ADGB: variants seen among roughly 807,000 people sequenced by gnomAD.
ADGB encodes androglobin.
Under a neutral mutation model 210.5 loss-of-function variants are expected in ADGB, and 172 were observed. The ratio of observed to expected loss-of-function variants is 0.82; its 90% CI spans 0.72 to 0.93. The LOEUF is 0.93. Ranked by LOEUF, ADGB falls within the 40% of genes least tolerant of loss-of-function variation. The pLI is 0.00. For missense variants in ADGB, 2,025 were observed against 1,964.8 expected (o/e 1.03, Z -0.58); for synonymous variants, 658 against 662.7 (o/e 0.99, Z 0.11).
chr6:146,647,448 A>G lies in ADGB; in HGVS notation c.330+2583A>G, dbSNP rs561081352. On this transcript the variant is annotated intron_variant, in intron 3 of 35. Transcript: ENST00000397944. ...TGATGAAAAAAAGTACTTGAAGTGA[A>G]TCAGACACAGGAAGAGTGTGTTCAA... Among the ~76,000 whole-genome samples the G allele has an allele frequency of 2.0e-5, 3 of 152,242 alleles. No individual in the cohort carries two copies. The East Asian group carries it at 5.8e-4, about 29-fold the overall frequency.
At chr6:146,621,343 A>T (rs1177268630) in intron 1 of ADGB, among the ~76,000 whole-genome samples, 2 of 152,090 alleles carry the variant, frequency 1.3e-5, no homozygotes, top group Non-Finnish European at 2.9e-5. Context: ...AAATCCATGC[A>T]TCAGTTACTG....
Position 146,620,953 on chromosome 6 carries a change from G to T in ADGB, c.75-14422G>T. The stretch of plus-strand genomic sequence containing the variant: ...GGTGGTTTTAGACTTTTACTACTTA[G>T]TATTGACTCTTAAACACTGCTCTAC... On this transcript the variant is annotated intron_variant, in intron 1 of 35. Transcript: ENST00000397944. Among the ~76,000 whole-genome samples the T allele has an allele frequency of 1.3e-5, 2 of 152,048 alleles. 1 individual carries two copies. Among genetic ancestry groups the T allele is most frequent in the Admixed American group, 1.3e-4 (2 of 15,258 alleles).
In ADGB at chr6:146,702,324, G is replaced by A. The variant is rs550828858; in HGVS notation, c.1707+1254G>A. Among the ~76,000 whole-genome samples the A allele has an allele frequency of 5.9e-5, 9 of 152,030 alleles. No homozygotes were observed. In the South Asian group the frequency reaches 1.9e-3, roughly 32 times the overall value. On this transcript the variant is annotated intron_variant, in intron 13 of 35. Transcript: ENST00000397944. Reference sequence around the variant, plus strand: ...ATACTGTATGATGTTTGCTAATGTGGTGGGTATAAAATGGTATTTTATTTT... The same window carrying A: ...ATACTGTATGATGTTTGCTAATGTGATGGGTATAAAATGGTATTTTATTTT...
At chr6:146,706,853 T>G (rs1260331765) in intron 13 of ADGB, among the ~76,000 whole-genome samples, 1 of 150,612 alleles carries the variant, frequency 6.6e-6, no homozygotes, top group Non-Finnish European at 1.5e-5. Flanking sequence ...GTGTTTTTTT[T>G]TTTTTTTTTA....
chr6:146,612,726 C>T (rs1400099478), intron 1 of ADGB, among the ~76,000 whole-genome samples: 3 of 151,958 alleles, frequency 2.0e-5, no homozygotes, highest in Non-Finnish European at 4.4e-5. Flanking sequence ...GTAGAATGGT[C>T]CTGCTCTTTT....
Position 146,745,932 on chromosome 6 carries a change from CTT to C in ADGB, c.3191_3192del (p.Phe1064CysfsTer52). On this transcript the variant is annotated frameshift_variant, in exon 26 of 36. Transcript: ENST00000397944. LOFTEE classifies it high-confidence loss of function. ...TTGTCTTTCTTATAGAAGGGATACA[CTT>C]TTGTGGCGGAAGCATTTACAGGCGA... 1.3e-6 allele frequency: 2 copies of C among 1,545,752 alleles called. No homozygotes were observed. Among genetic ancestry groups the C allele is most frequent in the Non-Finnish European group, 1.7e-6 (2 of 1,144,182 alleles).
chr6:146,728,173 G>A (rs2114579893), intron 19 of ADGB, among the ~76,000 whole-genome samples: 1 of 152,156 alleles, frequency 6.6e-6, no homozygotes, highest in African/African-American at 2.4e-5. Context: ...GATAGCAGGA[G>A]AGAGCCACCA....
At chr6:146,617,574 G>A (rs192079962) in intron 1 of ADGB, among the ~76,000 whole-genome samples, 1 of 151,872 alleles carries the variant, frequency 6.6e-6, no homozygotes, top group African/African-American at 2.4e-5. Flanking sequence ...GCTAGCTGTG[G>A]GTTTGTTATA....
Position 146,717,205 on chromosome 6 carries a change from C to A in ADGB, c.1928+136C>A, listed in dbSNP as rs370740560. On this transcript the variant is annotated intron_variant, in intron 15 of 35. Transcript: ENST00000397944. The stretch of plus-strand genomic sequence containing the variant: ...TATATAACCTATTAATTCTTAGCAT[C>A]ATCCAAAATAAGCCAATAACAGCCT... 10 of 708,556 alleles carry A rather than the reference C, an allele frequency of 1.4e-5. No homozygotes were observed. The African/African-American group carries it at 1.6e-4, about 12-fold the overall frequency. The allele number at this position is 708,556 out of a possible 1,614,324, so 43.9% of individuals were successfully genotyped here. A position where few individuals can be genotyped will look rare whatever the true frequency, so the allele number is the denominator to read the frequency against.
intron 22 of ADGB, among the ~76,000 whole-genome samples, 165 bp downstream of exon 22, chr6:146,734,195 T>C (rs1028682331): frequency 1.6e-4 from 25 of 152,240 alleles, no homozygotes; most frequent in African/African-American, 5.8e-4. Context: ...ATGCACCAAG[T>C]GTCTTGTTCC....
At chr6:146,704,239 T>G (rs1776535146) in intron 13 of ADGB, among the ~76,000 whole-genome samples, 1 of 151,938 alleles carries the variant, frequency 6.6e-6, no homozygotes, top group South Asian at 2.1e-4. Context: ...TTACAAATAT[T>G]TTCTCCCATT....
intron 2 of ADGB, among the ~76,000 whole-genome samples, chr6:146,637,609 G>T (rs1054710915): frequency 2.0e-5 from 3 of 151,902 alleles, no homozygotes; most frequent in Admixed American, 6.6e-5. Context: ...TAAAGTAAGG[G>T]CAAACCAAAG....
intron 30 of ADGB, among the ~76,000 whole-genome samples, chr6:146,782,520 G>A (rs1030207742): frequency 3.9e-5 from 6 of 152,180 alleles, no homozygotes; most frequent in Non-Finnish European, 8.8e-5. Flanking sequence ...GAATTATAAT[G>A]TTGAATGCTA....
intron 13 of ADGB, among the ~76,000 whole-genome samples, chr6:146,707,640 A>G (rs1776592779): frequency 6.6e-6 from 1 of 152,132 alleles, no homozygotes; most frequent in Non-Finnish European, 1.5e-5. Flanking sequence ...TTTATTTGAT[A>G]TAAATATAGC....
At position 146,801,965 on chromosome 6, in the gene ADGB, G is replaced by T. The variant is rs567095210; in HGVS notation, c.4772G>T (p.Arg1591Leu). Residue 1591 changes from arginine to leucine, a missense_variant, in exon 35 of 36, where the codon CGG (arginine) becomes CTG (leucine). By Grantham distance (102) the Arg-to-Leu change is moderately radical. Coordinates refer to ENST00000397944, the MANE Select transcript of ADGB (RefSeq NM_024694.4). ...ATTCGAAACATTGACCAAGAAGAGC[G>T]GTTGAAGTTAAAGGATGAAGTCCTG... is the stretch of plus-strand genomic sequence containing the variant. ...LSIRNIDQEE[R>L]LKLKDEVLDM... 1 of 1,550,036 alleles carries T rather than the reference G, an allele frequency of 6.5e-7. No homozygotes were observed. Among genetic ancestry groups the T allele is most frequent in the Non-Finnish European group, 8.7e-7 (1 of 1,146,356 alleles).
intron 12 of ADGB, among the ~76,000 whole-genome samples, chr6:146,696,041 C>T (rs1406844388): frequency 6.6e-6 from 1 of 151,792 alleles, no homozygotes; most frequent in Non-Finnish European, 1.5e-5. Context: ...TATACAAAAG[C>T]AATATTTCTT....
At chr6:146,606,310 C>A (rs1339898398) in intron 1 of ADGB, among the ~76,000 whole-genome samples, 1 of 152,106 alleles carries the variant, frequency 6.6e-6, no homozygotes, top group Non-Finnish European at 1.5e-5. Flanking sequence ...TTGTCAGATG[C>A]ATAGTTTGCA....
intron 7 of ADGB, among the ~76,000 whole-genome samples, chr6:146,667,616 G>A (rs977791481): frequency 6.6e-6 from 1 of 151,878 alleles, no homozygotes; most frequent in African/African-American, 2.4e-5. Context: ...TTAAATATCC[G>A]ATGTACAAAT....
intron 29 of ADGB, among the ~76,000 whole-genome samples, chr6:146,772,678 C>A (rs1777667900): frequency 1.4e-5 from 2 of 147,286 alleles, no homozygotes; most frequent in Admixed American, 6.8e-5. Flanking sequence ...ATATATAAAA[C>A]AATATATACA....
Sources: allele counts gnomAD v4.1 joint callset (sites outside exome capture counted in the v4.1 genomes callset), GRCh38; gene constraint gnomAD v4.1.1; transcripts MANE v1.5; gene names NCBI Gene and HGNC (gene_info 2026-07-23, HGNC 2026-07-21).